The following UPP2 variants were observed in gnomAD, a reference collection of about 807,000 sequenced individuals.
The protein encoded by UPP2 is uridine phosphorylase 2, also known as UPase 2.
A neutral mutation model predicts 26.7 loss-of-function variants in UPP2; 23 were observed. The observed-to-expected ratio is 0.86, with a 90% CI of 0.62 to 1.22. The LOEUF (loss-of-function observed/expected upper bound fraction) is 1.22, where lower values mean the gene tolerates loss of function less well. Ranked by LOEUF, UPP2 falls within the 50% of genes most tolerant of loss-of-function variation. UPP2 has a pLI of 0.00. For synonymous variants in UPP2, 127 were observed against 141.3 expected (o/e 0.90, Z 0.72); for missense variants, 387 against 396.7 (o/e 0.98, Z 0.21).
At chr2:158,043,621 T>G (rs1684110468) in intron 3 of UPP2, among the ~76,000 whole-genome samples, 1 of 152,206 alleles carries the variant, frequency 6.6e-6, no homozygotes, top group Non-Finnish European at 1.5e-5. Flanking sequence ...GGTGATTCAA[T>G]GGGAGAGGCC....
At chr2:158,022,854 A>C (rs1346214951) in intron 3 of UPP2, among the ~76,000 whole-genome samples, 1 of 152,212 alleles carries the variant, frequency 6.6e-6, no homozygotes, top group Non-Finnish European at 1.5e-5. Flanking sequence ...TTGAATATTC[A>C]GTATGTGGCA....
intron 3 of UPP2, among the ~76,000 whole-genome samples, chr2:158,117,373 A>G (rs1397256013): frequency 6.6e-6 from 1 of 152,040 alleles, no homozygotes; most frequent in Non-Finnish European, 1.5e-5. Context: ...ATTAACAGCA[A>G]ATGAAATGGA....
At chr2:158,102,208 T>C in intron 1 of UPP2, 83 bp downstream of exon 1, 1 of 1,454,512 alleles carries the variant, frequency 6.9e-7, no homozygotes, top group Non-Finnish European at 9.2e-7. Flanking sequence ...ATAATGGGCC[T>C]CTACAGTTAA....
chr2:158,129,729 A>G (rs1364234527), intron 6 of UPP2, among the ~76,000 whole-genome samples: 1 of 150,288 alleles, frequency 6.7e-6, no homozygotes, highest in East Asian at 1.9e-4. Context: ...AAAAAATAGG[A>G]GGCATTTATT....
intron 2 of UPP2, among the ~76,000 whole-genome samples, chr2:158,014,971 A>T (rs750242881): frequency 4.6e-5 from 7 of 152,246 alleles, no homozygotes; most frequent in Non-Finnish European, 8.8e-5. Flanking sequence ...GTCCAGCAAC[A>T]ATAAAGAGAA....
At chr2:158,114,492 CAA>C (rs1313881482) in intron 2 of UPP2, among the ~76,000 whole-genome samples, 1 of 152,162 alleles carries the variant, frequency 6.6e-6, no homozygotes, top group Non-Finnish European at 1.5e-5. Context: ...AAAACAAAAA[CAA>C]AAATAAATCA....
At chr2:158,080,976 T>C (rs1325578695) in intron 3 of UPP2, among the ~76,000 whole-genome samples, 1 of 152,170 alleles carries the variant, frequency 6.6e-6, no homozygotes, top group Non-Finnish European at 1.5e-5. Context: ...TTTTAAAATA[T>C]TTTCAAATAA....
chr2:158,120,726 A>G (rs1421178272), intron 4 of UPP2, among the ~76,000 whole-genome samples: 2 of 151,924 alleles, frequency 1.3e-5, no homozygotes, highest in Non-Finnish European at 2.9e-5. Context: ...TAATTTTTTC[A>G]TTTGTTTGCT....
intron 2 of UPP2, among the ~76,000 whole-genome samples, chr2:158,106,858 T>C (rs1336728695): frequency 1.3e-5 from 2 of 152,168 alleles, no homozygotes; most frequent in African/African-American, 4.8e-5. Flanking sequence ...CACCTAAACA[T>C]AGACATGATC....
At chr2:158,110,502 T>C (rs59995913) in intron 2 of UPP2, among the ~76,000 whole-genome samples, 2,516 of 152,292 alleles carry the variant, frequency 0.017, 75 homozygotes, top group African/African-American at 0.057. Flanking sequence ...CCTTTGAGTA[T>C]ATAGCCAGTA....
At chr2:158,078,849 T>C (rs1329109663) in intron 3 of UPP2, among the ~76,000 whole-genome samples, 3 of 152,146 alleles carry the variant, frequency 2.0e-5, no homozygotes, top group Non-Finnish European at 2.9e-5. Flanking sequence ...GATGTGGTTA[T>C]TGCATGTTGC....
intron 3 of UPP2, among the ~76,000 whole-genome samples, chr2:158,087,943 A>G (rs1168634528): frequency 6.6e-6 from 1 of 152,162 alleles, no homozygotes; most frequent in Non-Finnish European, 1.5e-5. Context: ...TGACTTTAGA[A>G]AACCTGATGA....
rs374563343 is a variant in UPP2 at position 158,116,282 on chromosome 2, C to T, written c.339+1023C>T. Among the ~76,000 whole-genome samples, 10 of 152,336 alleles carry T rather than the reference C, an allele frequency of 6.6e-5. No individual in the cohort carries two copies. In the South Asian group the frequency reaches 1.0e-3, roughly 16 times the overall value. ...ACATTAGAAGGAAGCTGAATATCCA[C>T]TGATCTTGGTAAATTTTTTCTTACC... is the stretch of plus-strand genomic sequence containing the variant. On this transcript the variant is annotated intron_variant, in intron 3 of 6. Coordinates refer to ENST00000005756, the MANE Select transcript of UPP2 (RefSeq NM_173355.4).
intron 3 of UPP2, among the ~76,000 whole-genome samples, chr2:158,094,598 C>A (rs1484646054): frequency 6.6e-6 from 1 of 152,184 alleles, no homozygotes; most frequent in Admixed American, 6.5e-5. Flanking sequence ...CAATATATTG[C>A]ACTTAGTAAT....
At chr2:158,129,800 C>G (rs1437590263) in intron 6 of UPP2, among the ~76,000 whole-genome samples, 2 of 149,880 alleles carry the variant, frequency 1.3e-5, no homozygotes, top group Admixed American at 1.3e-4. Context: ...AGGTCTCTGT[C>G]TGTAACTCAG....
At position 158,012,263 on chromosome 2, in the gene UPP2, CTTTTTT is replaced by C. The variant is rs34807293; in HGVS notation, c.62-3518_62-3513del. Reference sequence around the variant, plus strand: ...AATAATCTTTCTGAATTGTTTCTACCTTTTTTTTTTTTTTTTTTTTTTTTTGAGAGG... The same window carrying C: ...AATAATCTTTCTGAATTGTTTCTACCTTTTTTTTTTTTTTTTTTTGAGAGG... On this transcript the variant is annotated intron_variant, in intron 2 of 9. Transcript: ENST00000605860. 3.3e-4 allele frequency among the ~76,000 whole-genome samples: 27 copies of C among 81,640 alleles called. No individual in the cohort carries two copies. The South Asian group carries it at 0.015, about 45-fold the overall frequency. 53.6% of individuals were successfully genotyped at this position (81,640 alleles called of 152,430 possible). A position where few individuals can be genotyped will look rare whatever the true frequency, so the allele number is the denominator to read the frequency against.
At position 158,090,577 on chromosome 2, in the gene UPP2, C is replaced by T. The variant is rs889509208; in HGVS notation, c.148-11463C>T. 5.3e-5 allele frequency among the ~76,000 whole-genome samples: 8 copies of T among 152,246 alleles called. No homozygotes were observed. In the South Asian group the frequency reaches 8.3e-4, roughly 16 times the overall value. On this transcript the variant is annotated intron_variant, in intron 3 of 9. Transcript: ENST00000605860. ...CTAAGTATATACATCTATTATTTAC[C>T]CATAGCAATTAAAAATAAATTTAAA... is the stretch of plus-strand genomic sequence containing the variant.
At chr2:158,097,315 A>G (rs1683003396), upstream of UPP2, among the ~76,000 whole-genome samples, 2 of 152,068 alleles carry the variant, frequency 1.3e-5, no homozygotes, top group South Asian at 4.1e-4. Context: ...TGTTCACGCA[A>G]TTTGAAACTT....
upstream of UPP2, among the ~76,000 whole-genome samples, chr2:158,100,389 A>G (rs1396352378): frequency 6.6e-6 from 1 of 152,234 alleles, no homozygotes; most frequent in Non-Finnish European, 1.5e-5. Flanking sequence ...TTAATTACTG[A>G]ACACTTATCT....
Sources: allele counts gnomAD v4.1 joint callset (sites outside exome capture counted in the v4.1 genomes callset), GRCh38; gene constraint gnomAD v4.1.1; transcripts MANE v1.5; gene names NCBI Gene and HGNC (gene_info 2026-07-23, HGNC 2026-07-21).